SASH1: variants seen among roughly 807,000 people sequenced by gnomAD.
SASH1 encodes the protein SAM and SH3 domain-containing protein 1.
Under a neutral mutation model 125.2 loss-of-function variants are expected in SASH1, and 44 were observed. That is an observed-to-expected ratio of 0.35 (90% CI 0.28 to 0.45). The LOEUF (loss-of-function observed/expected upper bound fraction) is 0.45, where lower values mean the gene tolerates loss of function less well. Among genes scored for constraint, SASH1 ranks in the 20% least tolerant of loss-of-function variants. The pLI is 1.00. For missense variants in SASH1, 1,426 were observed against 1,614.5 expected (o/e 0.88, Z 2.00); for synonymous variants, 639 against 649.1 (o/e 0.98, Z 0.24).
intron 10 of SASH1, among the ~76,000 whole-genome samples, chr6:148,522,649 T>C (rs757079905): frequency 6.6e-6 from 1 of 152,220 alleles, no homozygotes; most frequent in Non-Finnish European, 1.5e-5. Context: ...CCCCAAAACA[T>C]GTGTTTCCAA....
intron 2 of SASH1, among the ~76,000 whole-genome samples, chr6:148,392,231 A>G (rs1011864156): frequency 1.3e-5 from 2 of 150,610 alleles, no homozygotes; most frequent in Non-Finnish European, 2.9e-5. Flanking sequence ...GGTTGTGGTG[A>G]GCCGAGATCG....
chr6:148,229,413 T>C, the SASH1 span, among the ~76,000 whole-genome samples: 101,658 of 151,902 alleles, frequency 0.67, 34,592 homozygotes, highest in East Asian at 0.83. Context: ...TAAATTAACA[T>C]TCGGGCAAAA....
chr6:148,374,037 G>A (rs952367687), intron 1 of SASH1, among the ~76,000 whole-genome samples: 1 of 152,194 alleles, frequency 6.6e-6, no homozygotes, highest in African/African-American at 2.4e-5. Flanking sequence ...TCTGAGAATG[G>A]AAACACACGG....
At chr6:148,537,748 G>A (rs1781935374) in intron 16 of SASH1, among the ~76,000 whole-genome samples, 1 of 147,138 alleles carries the variant, frequency 6.8e-6, no homozygotes, top group African/African-American at 2.5e-5. Flanking sequence ...TTTTGATGTT[G>A]GAATATTCAT....
intron 4 of SASH1, among the ~76,000 whole-genome samples, chr6:148,451,677 T>C (rs1414345976): frequency 6.6e-6 from 1 of 152,132 alleles, no homozygotes; most frequent in Non-Finnish European, 1.5e-5. Flanking sequence ...ACATAATACC[T>C]TCAGATGAAG....
At chr6:148,387,628 CTTTCTT>C in intron 1 of SASH1, among the ~76,000 whole-genome samples, 1 of 33,854 alleles carries the variant, frequency 3.0e-5, no homozygotes, top group Admixed American at 4.0e-4. Context: ...TTCTTTCTTT[CTTTCTT>C]TCTTTCTTTC....
chr6:148,351,312 A>G (rs1781722866), intron 1 of SASH1, among the ~76,000 whole-genome samples: 2 of 150,058 alleles, frequency 1.3e-5, no homozygotes, highest in Admixed American at 1.3e-4. Context: ...AAACGGAAAT[A>G]TATTTGTATT....
At chr6:148,413,487 C>T (rs528470353) in intron 2 of SASH1, among the ~76,000 whole-genome samples, 18 of 152,046 alleles carry the variant, frequency 1.2e-4, no homozygotes, top group Non-Finnish European at 2.2e-4. Flanking sequence ...GGAGAATGTG[C>T]GGGAAAGATC....
At chr6:148,346,190 C>T (rs1781514402) in intron 1 of SASH1, among the ~76,000 whole-genome samples, 3 of 152,058 alleles carry the variant, frequency 2.0e-5, no homozygotes, top group South Asian at 2.1e-4. Flanking sequence ...AGCAGTTGTC[C>T]CCCAGGGGAT....
chr6:148,500,623 G>T (rs62432332), intron 8 of SASH1, among the ~76,000 whole-genome samples: 6,277 of 152,238 alleles, frequency 0.041, 162 homozygotes, highest in Admixed American at 0.069. Context: ...GGATTCTGTG[G>T]ATTCCTGCCA....
In SASH1 at chr6:148,358,442, A is replaced by G. The variant is rs554743061; in HGVS notation, c.156+15219A>G. The stretch of plus-strand genomic sequence containing the variant: ...GGAGTGTTGTTTTGGCAGAAAAACT[A>G]CTTAGCAAAATGAATGAGGGGAGGG... On this transcript the variant is annotated intron_variant, in intron 1 of 19. Coordinates refer to ENST00000367467, the MANE Select transcript of SASH1 (RefSeq NM_015278.5). 4.5e-4 allele frequency among the ~76,000 whole-genome samples: 68 copies of G among 152,278 alleles called. No individual in the cohort carries two copies. The Middle Eastern group carries it at 0.01, about 23-fold the overall frequency.
intron 1 of SASH1, among the ~76,000 whole-genome samples, chr6:148,291,809 G>A (rs921393922): frequency 1.3e-5 from 2 of 151,974 alleles, no homozygotes; most frequent in African/African-American, 2.4e-5. Flanking sequence ...CATAACTTGG[G>A]GTATAAGGTA....
At chr6:148,494,607 C>T (rs1779241741) in intron 8 of SASH1, among the ~76,000 whole-genome samples, 1 of 151,942 alleles carries the variant, frequency 6.6e-6, no homozygotes, top group South Asian at 2.1e-4. Context: ...AGCCTGGCGA[C>T]AGAACAAGAC....
At chr6:148,354,083 T>C (rs1781837033) in intron 1 of SASH1, among the ~76,000 whole-genome samples, 1 of 152,144 alleles carries the variant, frequency 6.6e-6, no homozygotes, top group South Asian at 2.1e-4. Context: ...GAGGATCCCT[T>C]GAGCCCATGA....
chr6:148,540,421 C>T, intron 16 of SASH1, 22 bp from the exon 17 acceptor site: 1 of 1,590,170 alleles, frequency 6.3e-7, no homozygotes, highest in African/African-American at 1.3e-5. Context: ...TTGTTGATTT[C>T]ATGCCGTGTT....
intron 6 of SASH1, among the ~76,000 whole-genome samples, chr6:148,472,561 A>G (rs764697402): frequency 7.9e-5 from 12 of 151,972 alleles, no homozygotes; most frequent in Middle Eastern, 6.8e-3. Flanking sequence ...AACCCAACCA[A>G]CTCCCCATCA....
Position 148,532,784 on chromosome 6 carries a change from G to T in SASH1, c.1565-13G>T. The T allele has an allele frequency of 6.2e-7, 1 of 1,613,826 alleles. No individual in the cohort carries two copies. Among genetic ancestry groups the T allele is most frequent in the Non-Finnish European group, 8.5e-7 (1 of 1,179,834 alleles). On this transcript the variant is annotated splice_polypyrimidine_tract_variant and intron_variant, in intron 13 of 19. Coordinates refer to ENST00000367467, the MANE Select transcript of SASH1 (RefSeq NM_015278.5). The surrounding 1 kb of genome is among the most constrained non-coding windows in gnomAD (Gnocchi z 4.7). ...CTGGATCTACCCGTGTTCTTCCTAT[G>T]TTTCCTGTACAGGCGGTCAAACAGT... is the stretch of plus-strand genomic sequence containing the variant.
At chr6:148,286,071 C>A (rs1273948138) in intron 1 of SASH1, among the ~76,000 whole-genome samples, 2 of 151,930 alleles carry the variant, frequency 1.3e-5, no homozygotes, top group Non-Finnish European at 2.9e-5. Context: ...TAAAAAGTGC[C>A]CACATGCACA....
intron 8 of SASH1, among the ~76,000 whole-genome samples, chr6:148,503,970 C>A (rs551396318): frequency 4.9e-4 from 75 of 152,082 alleles, no homozygotes; most frequent in Non-Finnish European, 9.7e-4. Context: ...TAGTCAGAAA[C>A]AATAAATGCT....
Sources: gnomAD v4.1 joint callset for allele counts (sites outside exome capture counted in the v4.1 genomes callset) on GRCh38, gnomAD v4.1.1 for gene constraint, Gnocchi (gnomAD v3.1) non-coding constraint, MANE v1.5 for transcripts, NCBI Gene and HGNC (gene_info 2026-07-23, HGNC 2026-07-21) for gene names.